The following GRIN2A variants were observed in gnomAD, a reference collection of about 807,000 sequenced individuals.
The protein encoded by GRIN2A is glutamate ionotropic receptor NMDA type subunit 2A, also known as glutamate receptor ionotropic, NMDA 2A.
In GRIN2A, 22 loss-of-function variants were observed where a neutral mutation model predicts 113.4. That is an observed-to-expected ratio of 0.19 (90% confidence interval 0.14 to 0.28). The LOEUF is 0.28. Among genes scored for constraint, GRIN2A ranks in the 10% least tolerant of loss-of-function variants. The pLI is 1.00. For missense variants in GRIN2A, 1,502 were observed against 1,887.0 expected, an observed-to-expected ratio of 0.80 and a Z score of 3.78; for synonymous variants, 827 against 738.4, an observed-to-expected ratio of 1.12 and a Z score of -1.94.
chr16:9,935,512 TCACACACACA>T (rs71157793), intron 3 of GRIN2A, among the ~76,000 whole-genome samples: 2,093 of 132,884 alleles, frequency 0.016, 11 homozygotes, highest in Admixed American at 0.018. Flanking sequence ...GTCTACTTCA[TCACACACACA>T]CACACACACA....
At chr16:9,815,894 G>C (rs2042177144) in intron 10 of GRIN2A, among the ~76,000 whole-genome samples, 2 of 152,224 alleles carry the variant, frequency 1.3e-5, no homozygotes, top group South Asian at 4.1e-4. Flanking sequence ...GAATGGATGA[G>C]CAAAATGTGG....
In GRIN2A at chr16:10,044,030, G is replaced by T. The variant is rs994472372; in HGVS notation, c.415-105479C>A. Reference sequence around the variant, plus strand: ...GTGTATATATATATATATAGAGAGAGAGAGAGAGAGAGAGAGACAGAGACA... The same window carrying T: ...GTGTATATATATATATATAGAGAGATAGAGAGAGAGAGAGAGACAGAGACA... On this transcript the variant is annotated intron_variant, in intron 2 of 12. Transcript: ENST00000330684. 8.2e-4 allele frequency among the ~76,000 whole-genome samples: 109 copies of T among 132,460 alleles called. No homozygotes were observed. In the East Asian group the frequency reaches 0.012, roughly 15 times the overall value. The allele number at this position is 132,460 out of a possible 152,430, so 86.9% of individuals were successfully genotyped here.
chr16:9,846,819 CAAAT>C lies in GRIN2A; in HGVS notation c.1328+2933_1328+2936del, dbSNP rs952603307. On this transcript the variant is annotated intron_variant, in intron 5 of 12. Transcript: ENST00000330684. ...AACAGATCAGAAAAGACTCAGAAAA[CAAAT>C]AAAGTTTCCAACAGCAGGCCTTTTT... is the stretch of plus-strand genomic sequence containing the variant. Among the ~76,000 whole-genome samples the C allele has an allele frequency of 3.9e-5, 6 of 152,244 alleles. No homozygotes were observed. In the East Asian group the frequency reaches 5.8e-4, roughly 15 times the overall value.
chr16:10,141,133 G>A (rs2049318362), intron 2 of GRIN2A, among the ~76,000 whole-genome samples: 1 of 152,062 alleles, frequency 6.6e-6, no homozygotes, highest in Admixed American at 6.6e-5. Flanking sequence ...GGGTGAGGCT[G>A]GAGTGAGCCA....
intron 4 of GRIN2A, among the ~76,000 whole-genome samples, chr16:9,889,690 T>C (rs998995660): frequency 6.6e-6 from 1 of 152,228 alleles, no homozygotes; most frequent in Non-Finnish European, 1.5e-5. Context: ...TTTTCTAATG[T>C]CTTTCTGATT....
intron 10 of GRIN2A, among the ~76,000 whole-genome samples, chr16:9,802,006 C>T (rs1282466752): frequency 6.6e-6 from 1 of 152,180 alleles, no homozygotes; most frequent in Non-Finnish European, 1.5e-5. Flanking sequence ...GAGAGATGGT[C>T]ATTGTCTGAG....
intron 10 of GRIN2A, among the ~76,000 whole-genome samples, chr16:9,814,374 C>T (rs539583020): frequency 1.1e-3 from 161 of 152,204 alleles, no homozygotes; most frequent in Middle Eastern, 3.4e-3. Flanking sequence ...CATTCTTCAT[C>T]TCTTAAAAGG....
intron 2 of GRIN2A, among the ~76,000 whole-genome samples, chr16:10,129,690 T>C (rs890774874): frequency 1.8e-4 from 28 of 152,222 alleles, no homozygotes; most frequent in African/African-American, 6.5e-4. Context: ...CAGGAGATTA[T>C]GGTGCTCCTT....
intron 2 of GRIN2A, among the ~76,000 whole-genome samples, chr16:10,110,197 G>T (rs1163522255): frequency 1.3e-5 from 2 of 152,150 alleles, no homozygotes; most frequent in African/African-American, 4.8e-5. Flanking sequence ...TGGGCAAAGG[G>T]AGTGGCACAC....
intron 2 of GRIN2A, among the ~76,000 whole-genome samples, chr16:10,095,115 C>A (rs1372623996): frequency 1.3e-5 from 2 of 152,114 alleles, no homozygotes; most frequent in African/African-American, 4.8e-5. Context: ...CACCAGCATG[C>A]ACTGAGAAAA....
chr16:9,815,126 T>G (rs2042161537), intron 10 of GRIN2A, among the ~76,000 whole-genome samples: 1 of 152,158 alleles, frequency 6.6e-6, no homozygotes, highest in African/African-American at 2.4e-5. Context: ...TGCAAAACTT[T>G]CTATGAAGAC....
At chr16:10,108,886 G>C (rs1317901000) in intron 2 of GRIN2A, among the ~76,000 whole-genome samples, 2 of 151,902 alleles carry the variant, frequency 1.3e-5, no homozygotes, top group African/African-American at 4.8e-5. Context: ...CAGAGGAGAA[G>C]GCAAGAGAAA....
At chr16:9,784,187 T>C (rs1376052599) in intron 11 of GRIN2A, among the ~76,000 whole-genome samples, 2 of 152,134 alleles carry the variant, frequency 1.3e-5, no homozygotes, top group Non-Finnish European at 2.9e-5. Flanking sequence ...CCCAGCACTT[T>C]GGGAAGCCGA....
At chr16:10,107,713 C>T (rs1010630173) in intron 2 of GRIN2A, among the ~76,000 whole-genome samples, 3 of 152,256 alleles carry the variant, frequency 2.0e-5, no homozygotes, top group Non-Finnish European at 2.9e-5. Context: ...GAGCAGCTCA[C>T]CTGAGACAAG....
intron 10 of GRIN2A, chr16:9,805,399 A>G (rs960812128): frequency 3.3e-5 from 5 of 152,246 alleles, no homozygotes; most frequent in African/African-American, 1.2e-4. Flanking sequence ...TAATGAAACC[A>G]GCATGTGCAC....
intron 3 of GRIN2A, among the ~76,000 whole-genome samples, chr16:9,905,302 A>G (rs1168889968): frequency 6.6e-6 from 1 of 152,230 alleles, no homozygotes; most frequent in Non-Finnish European, 1.5e-5. Context: ...CTGACCCATC[A>G]GAATACTGGT....
At chr16:10,088,225 G>T (rs1440038288) in intron 2 of GRIN2A, among the ~76,000 whole-genome samples, 1 of 152,122 alleles carries the variant, frequency 6.6e-6, no homozygotes, top group African/African-American at 2.4e-5. Flanking sequence ...GAGTCTCCCA[G>T]ATTGAAAAAT....
At chr16:9,929,317 A>T (rs2044536604) in intron 3 of GRIN2A, among the ~76,000 whole-genome samples, 1 of 152,214 alleles carries the variant, frequency 6.6e-6, no homozygotes, top group Admixed American at 6.5e-5. Flanking sequence ...TAACATGTCT[A>T]AAATTGGATG....
At chr16:9,856,217 C>T (rs1444622872) in intron 4 of GRIN2A, among the ~76,000 whole-genome samples, 2 of 152,158 alleles carry the variant, frequency 1.3e-5, no homozygotes, top group South Asian at 2.1e-4. Flanking sequence ...TCATAAGGCT[C>T]ACAGTAAGAA....
Sources: gnomAD v4.1 joint callset for allele counts (sites outside exome capture counted in the v4.1 genomes callset) on GRCh38, gnomAD v4.1.1 for gene constraint, MANE v1.5 for transcripts, NCBI Gene and HGNC (gene_info 2026-07-23, HGNC 2026-07-21) for gene names.